ROCK2: variants seen among roughly 807,000 people sequenced by gnomAD.
The protein encoded by ROCK2 is rho-associated protein kinase 2.
ROCK2 carries 61 observed loss-of-function variants against 195.1 expected under a neutral mutation model. The ratio of observed to expected loss-of-function variants is 0.31; its 90% CI spans 0.25 to 0.39. ROCK2 has a LOEUF of 0.39. Among genes scored for constraint, ROCK2 ranks in the 10% least tolerant of loss-of-function variants. ROCK2 has a pLI of 1.00. For missense variants in ROCK2, 1,109 were observed against 1,637.4 expected (o/e 0.68, Z 5.57); for synonymous variants, 504 against 545.5 (o/e 0.92, Z 1.06).
At chr2:11,273,239 A>T (rs928278569) in intron 3 of ROCK2, among the ~76,000 whole-genome samples, 18 of 152,070 alleles carry the variant, frequency 1.2e-4, no homozygotes, top group African/African-American at 3.4e-4. Context: ...AGAATGAATT[A>T]AAAAAAAGAT....
In ROCK2 at chr2:11,214,374, A is replaced by T; in HGVS notation, c.2026T>A (p.Phe676Ile). 1 of 1,577,852 alleles carries T rather than the reference A, an allele frequency of 6.3e-7. No individual in the cohort carries two copies. The highest frequency in any genetic ancestry group is 1.4e-5 in the African/African-American group (1 of 73,674). ...TGTTTTACCTTTTCCAAATCAGTAA[A>T]TCTCTCCTGAAGTTGTCTCTTCTCC... ...ELEKRQLQER[F>I]TDLEKEKSNM... Residue 676 changes from phenylalanine (F) to isoleucine (I), a missense_variant, in exon 17 of 33, where the codon TTT (phenylalanine) becomes ATT (isoleucine). Physicochemically the swap from Phe to Ile is conservative, Grantham distance 21. Around this residue, in one of 6 missense-constraint regions of ROCK2, gnomAD observed 542 missense variants for 672.0 expected, o/e 0.81. Transcript: ENST00000315872.
Position 11,181,743 on chromosome 2 carries a change from C to T in ROCK2, c.*1694G>A, listed in dbSNP as rs1572208142. ...CCGTCTCCTGGGTTCAAGCGATTCTCCTGTCTCAGCCTCCCAAGTAGCTGG... is the reference window on the plus strand; with the variant it reads ...CCGTCTCCTGGGTTCAAGCGATTCTTCTGTCTCAGCCTCCCAAGTAGCTGG... On this transcript the variant is annotated 3_prime_UTR_variant, in exon 33 of 33. Transcript: ENST00000315872. 1 of 150,182 alleles carries T rather than the reference C, an allele frequency of 6.7e-6. No homozygotes were observed. Among genetic ancestry groups the T allele is most frequent in the Non-Finnish European group, 1.5e-5 (1 of 67,786 alleles). 9.3% of individuals were successfully genotyped at this position (150,182 alleles called of 1,614,324 possible). A position where few individuals can be genotyped will look rare whatever the true frequency, so the allele number is the denominator to read the frequency against.
chr2:11,232,097 T>A (rs35571014), intron 5 of ROCK2, among the ~76,000 whole-genome samples: 1 of 151,946 alleles, frequency 6.6e-6, no homozygotes, highest in Admixed American at 6.6e-5. Flanking sequence ...CAGTCCCTTC[T>A]GTAAGTGGAT....
intron 4 of ROCK2, among the ~76,000 whole-genome samples, chr2:11,241,535 A>T (rs1665429596): frequency 2.0e-5 from 3 of 152,212 alleles, no homozygotes; most frequent in Admixed American, 1.3e-4. Context: ...AGCCAAGCTA[A>T]TTAAAGTATT....
intron 1 of ROCK2, among the ~76,000 whole-genome samples, chr2:11,330,742 GAGGAGGGA>G (rs1668695801): frequency 3.8e-5 from 1 of 26,544 alleles, no homozygotes; most frequent in Non-Finnish European, 1.3e-4. Context: ...GATGAGGAGG[GAGGAGGGA>G]GGAGGAGGAG....
intron 23 of ROCK2, 71 bp downstream of exon 23, chr2:11,200,886 G>T: frequency 1.5e-6 from 2 of 1,292,758 alleles, no homozygotes; most frequent in Non-Finnish European, 2.1e-6. Flanking sequence ...GTGATACTTA[G>T]TATGTCTAAA....
In ROCK2 at chr2:11,217,107, T is replaced by C. The variant is rs1664460653; in HGVS notation, c.1395A>G (p.Glu465=). The C allele has an allele frequency of 1.3e-6, 2 of 1,543,974 alleles. No homozygotes were observed. Among genetic ancestry groups the C allele is most frequent in the Non-Finnish European group, 1.8e-6 (2 of 1,116,702 alleles). Residue 465 remains glutamate (E), a synonymous_variant, in exon 12 of 33, where the codon GAA becomes GAG. Coordinates refer to ENST00000315872, the MANE Select transcript of ROCK2 (RefSeq NM_004850.5). ...AAACATACTTGCACTTCTGTTCCAG[T>C]TCCTCTTTGGCTTGCATCTCATTGC... is the stretch of plus-strand genomic sequence containing the variant. ...HLSNEMQAKE[E]LEQKCKSVNT...
intron 32 of ROCK2, chr2:11,184,592 T>C (rs918963543): frequency 2.0e-6 from 2 of 978,484 alleles, no homozygotes; most frequent in Non-Finnish European, 1.2e-6. Flanking sequence ...TAAAAAATAA[T>C]GAAAGCCCAA....
Position 11,317,576 on chromosome 2 carries a change from TTATATA to T in ROCK2, c.141+26414_141+26419del, listed in dbSNP as rs1156983946. Reference sequence around the variant, plus strand: ...TTTAAAGCCGCCCTGATCTACACATTTATATATATATATATATATATATATATATAT... The same window carrying T: ...TTTAAAGCCGCCCTGATCTACACATTTATATATATATATATATATATATAT... On this transcript the variant is annotated intron_variant, in intron 1 of 32. Transcript: ENST00000315872. Among the ~76,000 whole-genome samples the T allele has an allele frequency of 5.4e-4, 16 of 29,580 alleles. 1 individual carries two copies. Among genetic ancestry groups the T allele is most frequent in the South Asian group, 1.9e-3 (1 of 536 alleles). The allele number at this position is 29,580 out of a possible 152,430, so 19.4% of individuals were successfully genotyped here. A position where few individuals can be genotyped will look rare whatever the true frequency, so the allele number is the denominator to read the frequency against.
At chr2:11,254,449 T>C (rs548178920) in intron 3 of ROCK2, among the ~76,000 whole-genome samples, 1 of 152,244 alleles carries the variant, frequency 6.6e-6, no homozygotes, top group African/African-American at 2.4e-5. Flanking sequence ...GGGAGATCCC[T>C]AGAAGTCACA....
At chr2:11,190,658 A>G (rs1449846472) in intron 32 of ROCK2, among the ~76,000 whole-genome samples, 1 of 152,216 alleles carries the variant, frequency 6.6e-6, no homozygotes, top group Non-Finnish European at 1.5e-5. Flanking sequence ...AAAAACAAAT[A>G]TAACAATACC....
chr2:11,214,607 A>G, intron 16 of ROCK2, 144 bp from the exon 17 acceptor site: 2 of 652,086 alleles, frequency 3.1e-6, no homozygotes, highest in Admixed American at 6.2e-5. Context: ...TGTGCTTTAT[A>G]GTTAATTCAA....
At chr2:11,285,935 C>G (rs921558477) in intron 3 of ROCK2, among the ~76,000 whole-genome samples, 1 of 151,956 alleles carries the variant, frequency 6.6e-6, no homozygotes, top group African/African-American at 2.4e-5. Context: ...ATAATGATCA[C>G]TACTTTTCTT....
chr2:11,201,777 C>G lies in ROCK2; in HGVS notation c.2619+275G>C, dbSNP rs529643051. Reference sequence around the variant, plus strand: ...TCTACTTCATATTTTTAAAACTGATCTCAAAAAAAGCACAACTATTAAAAT... The same window carrying G: ...TCTACTTCATATTTTTAAAACTGATGTCAAAAAAAGCACAACTATTAAAAT... On this transcript the variant is annotated intron_variant, in intron 21 of 32. Coordinates refer to ENST00000315872, the MANE Select transcript of ROCK2 (RefSeq NM_004850.5). The surrounding 1 kb of genome is among the most constrained non-coding windows in gnomAD (Gnocchi z 4.6). Among the ~76,000 whole-genome samples, 40 of 152,188 alleles carry G rather than the reference C, an allele frequency of 2.6e-4. No homozygotes were observed. Among genetic ancestry groups the G allele is most frequent in the African/African-American group, 9.6e-4 (40 of 41,526 alleles).
chr2:11,286,520 G>A lies in ROCK2; in HGVS notation c.324+19C>T, dbSNP rs778988598. On this transcript the variant is annotated intron_variant, in intron 3 of 32. Coordinates refer to ENST00000315872, the MANE Select transcript of ROCK2 (RefSeq NM_004850.5). ...ACCATGATGTCATAGAGAACAATAAGAACAAAACACTTTCTTACCAACTGC... is the reference window on the plus strand; with the variant it reads ...ACCATGATGTCATAGAGAACAATAAAAACAAAACACTTTCTTACCAACTGC... 1.4e-6 allele frequency: 2 copies of A among 1,473,480 alleles called. No individual in the cohort carries two copies. The highest frequency in any genetic ancestry group is 2.3e-5 in the South Asian group (2 of 87,818). The allele number at this position is 1,473,480 out of a possible 1,614,324, so 91.3% of individuals were successfully genotyped here. A position where few individuals can be genotyped will look rare whatever the true frequency, so the allele number is the denominator to read the frequency against.
At chr2:11,270,674 G>A (rs1195962863) in intron 3 of ROCK2, among the ~76,000 whole-genome samples, 3 of 152,140 alleles carry the variant, frequency 2.0e-5, no homozygotes, top group Non-Finnish European at 2.9e-5. Context: ...TGTTAAAAGT[G>A]TTTTTGATCT....
intron 8 of ROCK2, among the ~76,000 whole-genome samples, chr2:11,221,649 G>C (rs1450273994): frequency 6.6e-6 from 1 of 152,014 alleles, no homozygotes; most frequent in Non-Finnish European, 1.5e-5. Context: ...TCTCGAAACA[G>C]AAATATTTCT....
At chr2:11,326,270 AGAG>A (rs967282968) in intron 1 of ROCK2, among the ~76,000 whole-genome samples, 1 of 152,250 alleles carries the variant, frequency 6.6e-6, no homozygotes, top group South Asian at 2.1e-4. Context: ...TGGCAGAAGA[AGAG>A]AAGGCAGCAA....
intron 3 of ROCK2, among the ~76,000 whole-genome samples, chr2:11,254,871 C>A (rs1273311792): frequency 6.7e-6 from 1 of 150,364 alleles, no homozygotes; most frequent in East Asian, 2.0e-4. Context: ...TAACATTAAA[C>A]CCTAAAAGAT....
Sources: allele counts gnomAD v4.1 joint callset (sites outside exome capture counted in the v4.1 genomes callset), GRCh38; gene constraint gnomAD v4.1.1; regional missense constraint gnomAD v4.1.1; non-coding constraint Gnocchi (gnomAD v3.1); transcripts MANE v1.5; gene names NCBI Gene and HGNC (gene_info 2026-07-23, HGNC 2026-07-21).